TRAPPC9: variants seen among roughly 807,000 people sequenced by gnomAD.
TRAPPC9 encodes the protein IKK2 binding protein.
In TRAPPC9, 83 loss-of-function variants were observed where a neutral mutation model predicts 124.0. The observed-to-expected ratio is 0.67, with a 90% CI of 0.56 to 0.80. The LOEUF (loss-of-function observed/expected upper bound fraction) is 0.80. Among genes scored for constraint, TRAPPC9 ranks in the 30% least tolerant of loss-of-function variants. The pLI is 0.00. For missense variants in TRAPPC9, 1,302 were observed against 1,508.3 expected (o/e 0.86, Z 2.27); for synonymous variants, 638 against 617.5 (o/e 1.03, Z -0.49).
intron 9 of TRAPPC9, among the ~76,000 whole-genome samples, chr8:140,333,074 C>T (rs1029569930): frequency 5.3e-5 from 8 of 150,090 alleles, no homozygotes; most frequent in African/African-American, 2.0e-4. Flanking sequence ...TGCAGTGAGC[C>T]GAGATCATAC....
chr8:140,386,041 A>G (rs971097492), intron 7 of TRAPPC9, among the ~76,000 whole-genome samples: 2 of 152,252 alleles, frequency 1.3e-5, no homozygotes, highest in Non-Finnish European at 2.9e-5. Context: ...GTAATCCAGC[A>G]TATAAACAGA....
intron 5 of TRAPPC9, among the ~76,000 whole-genome samples, chr8:140,424,391 A>C (rs1041171841): frequency 6.6e-6 from 1 of 152,028 alleles, no homozygotes; most frequent in African/African-American, 2.4e-5. Context: ...CATGTTTGTA[A>C]TCACTTTGGG....
intron 17 of TRAPPC9, among the ~76,000 whole-genome samples, chr8:140,210,419 G>A (rs1036915543): frequency 2.0e-5 from 3 of 152,164 alleles, no homozygotes; most frequent in Admixed American, 1.3e-4. Flanking sequence ...ACACTGTGGC[G>A]GCTGCTGCTG....
intron 18 of TRAPPC9, among the ~76,000 whole-genome samples, chr8:140,019,175 T>G (rs1210704995): frequency 6.6e-6 from 1 of 152,224 alleles, no homozygotes; most frequent in African/African-American, 2.4e-5. Context: ...CATGCTGTTT[T>G]GTCCCTTTCA....
At chr8:140,083,203 A>G (rs911280837) in intron 17 of TRAPPC9, among the ~76,000 whole-genome samples, 3 of 149,438 alleles carry the variant, frequency 2.0e-5, no homozygotes, top group Admixed American at 6.7e-5. Context: ...AAAAAAAAAA[A>G]TTCACATCTT....
chr8:139,927,042 T>C (rs534529007), intron 19 of TRAPPC9, among the ~76,000 whole-genome samples: 1 of 152,284 alleles, frequency 6.6e-6, no homozygotes, highest in African/African-American at 2.4e-5. Flanking sequence ...TTTCAAATAA[T>C]CCATAAATAC....
rs1210521645 is a variant in TRAPPC9, at chr8:139,788,871, CA to C, written c.3056-56670del. ...CAAAACAAGATATTGAGGGCCAGCACAGGGGCCCTGTTGCCAACCTTCTGCA... is the reference window on the plus strand; with the variant it reads ...CAAAACAAGATATTGAGGGCCAGCACGGGGCCCTGTTGCCAACCTTCTGCA... On this transcript the variant is annotated intron_variant, in intron 21 of 22. Coordinates refer to ENST00000438773, the MANE Select transcript of TRAPPC9 (RefSeq NM_001160372.4). This position sits in a 1 kb window ranked among gnomAD's most constrained non-coding sequence, Gnocchi z 4.9. 2.0e-5 allele frequency among the ~76,000 whole-genome samples: 3 copies of C among 152,220 alleles called. No individual in the cohort carries two copies. The highest frequency in any genetic ancestry group is 6.5e-5 in the Admixed American group (1 of 15,292).
chr8:140,091,449 G>A (rs1844562033), intron 17 of TRAPPC9, among the ~76,000 whole-genome samples: 2 of 152,178 alleles, frequency 1.3e-5, no homozygotes, highest in South Asian at 4.1e-4. Context: ...GGCTTTCAGA[G>A]TCCCAAGAAC....
Position 140,080,094 on chromosome 8 carries a change from C to T in TRAPPC9, c.2557-56015G>A, listed in dbSNP as rs538789658. On this transcript the variant is annotated intron_variant, in intron 17 of 22. Transcript: ENST00000438773. ...GAATTAACCCTGTTTCATCAAAAGGCCAAGATTCCCAAGAAGAGATGTTGA... is the reference window on the plus strand; with the variant it reads ...GAATTAACCCTGTTTCATCAAAAGGTCAAGATTCCCAAGAAGAGATGTTGA... 8.5e-4 allele frequency among the ~76,000 whole-genome samples: 130 copies of T among 152,240 alleles called. 1 individual carries two copies. In the South Asian group the frequency reaches 0.013, roughly 15 times the overall value.
At chr8:140,446,484 C>T (rs906770089) in intron 2 of TRAPPC9, among the ~76,000 whole-genome samples, 1 of 152,060 alleles carries the variant, frequency 6.6e-6, no homozygotes, top group Admixed American at 6.6e-5. Context: ...ACTAGAAGGC[C>T]GTATTTCCCT....
chr8:140,405,768 C>T (rs1368847720), intron 5 of TRAPPC9, 70 bp from the exon 6 acceptor site: 1 of 1,585,194 alleles, frequency 6.3e-7, no homozygotes, highest in African/African-American at 1.3e-5. Flanking sequence ...TAAAGAGGAG[C>T]ATGAATAAGA....
chr8:139,969,510 C>T (rs1835924812), intron 19 of TRAPPC9, among the ~76,000 whole-genome samples: 3 of 152,214 alleles, frequency 2.0e-5, no homozygotes, highest in African/African-American at 7.2e-5. Context: ...CCTAGCAGCG[C>T]CACCTGGGGC....
intron 3 of TRAPPC9, among the ~76,000 whole-genome samples, chr8:140,438,492 A>G (rs2070895411): frequency 6.6e-6 from 1 of 152,134 alleles, no homozygotes; most frequent in Non-Finnish European, 1.5e-5. Flanking sequence ...GGCAAGGTAT[A>G]CTAAGAACAG....
chr8:140,137,252 G>C lies in TRAPPC9; in HGVS notation c.2556+84207C>G, dbSNP rs114752806. On this transcript the variant is annotated intron_variant, in intron 17 of 22. Transcript: ENST00000438773. ...CATCCCCTCACTCAAGTCTTCCTGG[G>C]AGTCGGTGCTCCTCACTGGGCTGCC... 2.9e-3 allele frequency among the ~76,000 whole-genome samples: 434 copies of C among 152,268 alleles called. 2 individuals carry two copies. The highest frequency in any genetic ancestry group is 0.01 in the African/African-American group (417 of 41,552).
intron 15 of TRAPPC9, among the ~76,000 whole-genome samples, chr8:140,270,816 G>A (rs2131607066): frequency 6.6e-6 from 1 of 152,348 alleles, no homozygotes; most frequent in East Asian, 1.9e-4. Flanking sequence ...TGACAGCAAT[G>A]CGACTCCAGC....
intron 17 of TRAPPC9, among the ~76,000 whole-genome samples, chr8:140,142,232 T>C (rs2061393899): frequency 6.6e-6 from 1 of 152,216 alleles, no homozygotes; most frequent in Admixed American, 6.5e-5. Context: ...CGTGCACACA[T>C]TCGCACACGC....
chr8:140,078,937 T>C (rs1191844028), intron 17 of TRAPPC9, among the ~76,000 whole-genome samples: 2 of 152,186 alleles, frequency 1.3e-5, no homozygotes, highest in Non-Finnish European at 2.9e-5. Context: ...GGTTTGGCTG[T>C]GTCCCCACCC....
At chr8:139,765,633 A>G (rs2319560) in intron 21 of TRAPPC9, among the ~76,000 whole-genome samples, 151,980 of 152,328 alleles carry the variant, frequency 1, 75,817 homozygotes, top group Middle Eastern at 1. Flanking sequence ...GGCAGGCTCC[A>G]GAGGCCCTTG....
intron 17 of TRAPPC9, 132 bp from the exon 18 acceptor site, chr8:140,024,211 C>T (rs907846968): frequency 3.4e-6 from 4 of 1,172,012 alleles, no homozygotes; most frequent in Non-Finnish European, 3.7e-6. Context: ...TCAGCATTGG[C>T]CGACTCACAA....
Sources: gnomAD v4.1 joint callset for allele counts (sites outside exome capture counted in the v4.1 genomes callset) on GRCh38, gnomAD v4.1.1 for gene constraint, Gnocchi (gnomAD v3.1) non-coding constraint, MANE v1.5 for transcripts, NCBI Gene and HGNC (gene_info 2026-07-23, HGNC 2026-07-21) for gene names.